TFDP2: variants seen among roughly 807,000 people sequenced by gnomAD.
TFDP2 encodes transcription factor Dp-2 (E2F dimerization partner 2).
In TFDP2, 17 loss-of-function variants were observed where a neutral mutation model predicts 59.3. The ratio of observed to expected loss-of-function variants is 0.29; its 90% CI spans 0.20 to 0.43. The LOEUF (loss-of-function observed/expected upper bound fraction) is 0.43. Among genes scored for constraint, TFDP2 ranks in the 20% least tolerant of loss-of-function variants. The pLI, the probability that TFDP2 is intolerant of heterozygous loss-of-function variation, is 1.00. For missense variants in TFDP2, 391 were observed against 528.8 expected (o/e 0.74, Z 2.56); for synonymous variants, 180 against 194.7 (o/e 0.92, Z 0.63).
chr3:141,976,498 A>C (rs182787717), intron 7 of TFDP2, among the ~76,000 whole-genome samples: 79 of 152,330 alleles, frequency 5.2e-4, no homozygotes, highest in Non-Finnish European at 7.6e-4. Flanking sequence ...AAAAGTGCTA[A>C]GAAGAAATGC....
intron 7 of TFDP2, among the ~76,000 whole-genome samples, chr3:141,976,374 A>T (rs1940641461): frequency 6.6e-6 from 1 of 152,224 alleles, no homozygotes; most frequent in African/African-American, 2.4e-5. Flanking sequence ...CAAGCATTCT[A>T]AATTATCAGA....
chr3:142,117,218 GC>G (rs2061879985), intron 1 of TFDP2, among the ~76,000 whole-genome samples: 1 of 152,142 alleles, frequency 6.6e-6, no homozygotes, highest in Non-Finnish European at 1.5e-5. Context: ...ACTGCACCCG[GC>G]CCGAAAAAGA....
intron 4 of TFDP2, 49 bp downstream of exon 4, chr3:142,005,392 A>C (rs1166005929): frequency 1.4e-6 from 2 of 1,399,896 alleles, no homozygotes; most frequent in East Asian, 2.3e-5. Context: ...TCTTTAAATT[A>C]GTCTTGGCTA....
chr3:142,083,604 C>T (rs1008637357), intron 3 of TFDP2, among the ~76,000 whole-genome samples: 22 of 151,998 alleles, frequency 1.4e-4, no homozygotes, highest in African/African-American at 5.3e-4. Flanking sequence ...CTTCAAATTA[C>T]ACTACAGAGC....
chr3:142,106,002 A>G (rs1278778863), intron 1 of TFDP2, among the ~76,000 whole-genome samples: 1 of 152,164 alleles, frequency 6.6e-6, no homozygotes, highest in Non-Finnish European at 1.5e-5. Flanking sequence ...CTCATGACAA[A>G]TTAAGGCTTC....
chr3:141,976,939 C>G (rs2108045111), intron 7 of TFDP2, among the ~76,000 whole-genome samples: 1 of 150,388 alleles, frequency 6.6e-6, no homozygotes, highest in Middle Eastern at 3.4e-3. Context: ...TTTAAAGCAA[C>G]AAACAAAACT....
intron 3 of TFDP2, among the ~76,000 whole-genome samples, chr3:142,058,809 T>G (rs2108509107): frequency 6.6e-6 from 1 of 152,210 alleles, no homozygotes; most frequent in South Asian, 2.1e-4. Flanking sequence ...ATTTATGGGG[T>G]TTTATAGAGG....
At chr3:142,003,410 G>T (rs541278119) in intron 4 of TFDP2, among the ~76,000 whole-genome samples, 11 of 152,198 alleles carry the variant, frequency 7.2e-5, no homozygotes, top group African/African-American at 2.6e-4. Flanking sequence ...GATTACAGGC[G>T]TGAGACACCA....
chr3:142,128,358 C>A (rs533168522), intron 1 of TFDP2, among the ~76,000 whole-genome samples: 4 of 152,316 alleles, frequency 2.6e-5, no homozygotes, highest in African/African-American at 9.6e-5. Flanking sequence ...CAGTGGACCT[C>A]AGGCCTCTTC....
intron 1 of TFDP2, among the ~76,000 whole-genome samples, chr3:142,126,625 C>T (rs2062263393): frequency 6.6e-6 from 1 of 151,986 alleles, no homozygotes; most frequent in Non-Finnish European, 1.5e-5. Flanking sequence ...TATGAACACA[C>T]AGGTCTCTAT....
intron 6 of TFDP2, among the ~76,000 whole-genome samples, chr3:141,993,293 A>G (rs1942966576): frequency 6.6e-6 from 1 of 152,206 alleles, no homozygotes; most frequent in African/African-American, 2.4e-5. Flanking sequence ...TACCAGATGG[A>G]AAGAGAGGAG....
chr3:142,115,171 T>C (rs1353576990), intron 1 of TFDP2, among the ~76,000 whole-genome samples: 1 of 152,176 alleles, frequency 6.6e-6, no homozygotes, highest in African/African-American at 2.4e-5. Flanking sequence ...ATTTAAATTA[T>C]AGATACATGA....
intron 8 of TFDP2, among the ~76,000 whole-genome samples, chr3:141,972,155 G>C (rs182969379): frequency 1.3e-5 from 2 of 152,098 alleles, no homozygotes; most frequent in African/African-American, 4.8e-5. Flanking sequence ...AAATCTGTGT[G>C]GCGTTCTGCA....
chr3:141,957,290 T>C (rs1936806296), intron 11 of TFDP2, among the ~76,000 whole-genome samples: 1 of 152,154 alleles, frequency 6.6e-6, no homozygotes, highest in African/African-American at 2.4e-5. Context: ...GCACTCCAGC[T>C]TGGGCGACAG....
chr3:142,126,078 A>C (rs1352562032), intron 1 of TFDP2: 2 of 152,194 alleles, frequency 1.3e-5, no homozygotes, highest in African/African-American at 4.8e-5. Context: ...ATGTTTCTTC[A>C]ATAGTATAGA....
Position 142,106,020 on chromosome 3 carries a change from A to G in TFDP2, c.-92-4179T>C, listed in dbSNP as rs528647013. Among the ~76,000 whole-genome samples, 24 of 152,320 alleles carry G rather than the reference A, an allele frequency of 1.6e-4. 1 individual carries two copies. The South Asian group carries it at 5.0e-3, about 32-fold the overall frequency. The stretch of plus-strand genomic sequence containing the variant: ...ATGACAAATTAAGGCTTCCTTCTCT[A>G]AAATAAATAATACATAATTCCCACA... On this transcript the variant is annotated intron_variant, in intron 1 of 12. Coordinates refer to ENST00000489671, the MANE Select transcript of TFDP2 (RefSeq NM_001178139.2).
At chr3:142,114,819 T>C (rs1462450796) in intron 1 of TFDP2, among the ~76,000 whole-genome samples, 5 of 152,182 alleles carry the variant, frequency 3.3e-5, no homozygotes, top group Non-Finnish European at 7.3e-5. Context: ...CTAATGATAT[T>C]TGTACAGACA....
chr3:142,014,402 G>A (rs1944965352), intron 3 of TFDP2, among the ~76,000 whole-genome samples: 1 of 151,746 alleles, frequency 6.6e-6, no homozygotes, highest in Non-Finnish European at 1.5e-5. Flanking sequence ...CTCCCACCTC[G>A]CCAAAGCACT....
At chr3:142,064,675 A>C (rs1215928372) in intron 3 of TFDP2, among the ~76,000 whole-genome samples, 1 of 152,204 alleles carries the variant, frequency 6.6e-6, no homozygotes, top group Non-Finnish European at 1.5e-5. Context: ...GACTCACTAA[A>C]GGATGTAAAG....
Sources: allele counts gnomAD v4.1 joint callset (sites outside exome capture counted in the v4.1 genomes callset), GRCh38; gene constraint gnomAD v4.1.1; transcripts MANE v1.5; gene names NCBI Gene and HGNC (gene_info 2026-07-23, HGNC 2026-07-21).